Variants in SLC17A1 observed in about 807,000 individuals in gnomAD.
SLC17A1 encodes sodium-dependent phosphate transport protein 1.
A neutral mutation model predicts 53.5 loss-of-function variants in SLC17A1; 51 were observed. The observed-to-expected ratio is 0.95, with a 90% CI of 0.76 to 1.20. The LOEUF (loss-of-function observed/expected upper bound fraction) is 1.20. Ranked by LOEUF, SLC17A1 falls within the 50% of genes most tolerant of loss-of-function variation. SLC17A1 has a pLI of 0.00. For missense variants in SLC17A1, 538 were observed against 568.2 expected, an observed-to-expected ratio of 0.95 and a Z score of 0.54; for synonymous variants, 179 against 198.8, an observed-to-expected ratio of 0.90 and a Z score of 0.84.
At chr6:25,773,662 C>A in the SLC17A1 span, 1 of 1,613,374 alleles carries the variant, frequency 6.2e-7, no homozygotes, top group Non-Finnish European at 8.5e-7. Flanking sequence ...TACTTCAAGC[C>A]AACCTCAGAG....
chr6:25,798,775 C>T lies in SLC17A1; in HGVS notation c.*2+8G>A, dbSNP rs779837239. The T allele has an allele frequency of 3.1e-6, 5 of 1,603,518 alleles. No individual in the cohort carries two copies. In the Middle Eastern group the frequency reaches 6.6e-4, roughly 213 times the overall value. On this transcript the variant is annotated splice_region_variant and intron_variant, in intron 12 of 12. Coordinates refer to ENST00000244527, the MANE Select transcript of SLC17A1 (RefSeq NM_005074.5). ...TCAAAAATTGTCCTTAATCTGATCACTTCTCACCTTCAGAGACGTGTGTGT... is the reference window on the plus strand; with the variant it reads ...TCAAAAATTGTCCTTAATCTGATCATTTCTCACCTTCAGAGACGTGTGTGT...
chr6:25,740,881 G>T, the SLC17A1 span, among the ~76,000 whole-genome samples: 1 of 152,162 alleles, frequency 6.6e-6, no homozygotes, highest in Admixed American at 6.5e-5. Context: ...AGCAACGTGG[G>T]CGAACCTGGA....
At chr6:25,772,152 C>T in the SLC17A1 span, among the ~76,000 whole-genome samples, 1 of 152,082 alleles carries the variant, frequency 6.6e-6, no homozygotes, top group Non-Finnish European at 1.5e-5. Flanking sequence ...AAGTTTTTAT[C>T]ATGAAAACTT....
chr6:25,816,642 T>C (rs1764367232), intron 6 of SLC17A1, among the ~76,000 whole-genome samples: 1 of 152,254 alleles, frequency 6.6e-6, no homozygotes, highest in Non-Finnish European at 1.5e-5. Flanking sequence ...TGATGCCACA[T>C]ACACTAGTCA....
the SLC17A1 span, among the ~76,000 whole-genome samples, chr6:25,748,523 C>T: frequency 2.0e-4 from 31 of 152,198 alleles, 1 homozygote; most frequent in South Asian, 4.1e-3. Flanking sequence ...GGGTATATCT[C>T]GTCAGGTGGG....
At position 25,819,918 on chromosome 6, in the gene SLC17A1, A is replaced by G. The variant is rs200687782; in HGVS notation, c.208-3T>C. The stretch of plus-strand genomic sequence containing the variant: ...GGGCTCCAATTATACATAGGGTTCT[A>G]AAAGACAAGGGGGGACATGTCGAAT... On this transcript the variant is annotated splice_polypyrimidine_tract_variant and splice_region_variant and intron_variant, in intron 3 of 12. Transcript: ENST00000244527. 14 of 1,584,402 alleles carry G rather than the reference A, an allele frequency of 8.8e-6. No homozygotes were observed. In the African/African-American group the frequency reaches 1.3e-4, roughly 15 times the overall value.
chr6:25,770,346 T>A, the SLC17A1 span: 1 of 1,613,788 alleles, frequency 6.2e-7, no homozygotes, highest in African/African-American at 1.3e-5. Flanking sequence ...GGTTCCAGAA[T>A]GACCTCAGAT....
the SLC17A1 span, among the ~76,000 whole-genome samples, chr6:25,771,333 G>A: frequency 3.3e-5 from 5 of 152,230 alleles, no homozygotes; most frequent in African/African-American, 1.2e-4. Flanking sequence ...CAGCACTTTG[G>A]GAGGCTGAGG....
the SLC17A1 span, among the ~76,000 whole-genome samples, chr6:25,735,122 G>A: frequency 6.6e-6 from 1 of 152,194 alleles, no homozygotes. Flanking sequence ...CTTAGTTCAT[G>A]CAGATTGTAT....
chr6:25,769,271 A>G, the SLC17A1 span: 1 of 1,289,012 alleles, frequency 7.8e-7, no homozygotes, highest in Non-Finnish European at 1.1e-6. Flanking sequence ...AGATTCATTT[A>G]ACCACTAAGT....
At chr6:25,788,995 G>A (rs967801361) in intron 12 of SLC17A1, among the ~76,000 whole-genome samples, 1 of 152,096 alleles carries the variant, frequency 6.6e-6, no homozygotes, top group Non-Finnish European at 1.5e-5. Context: ...AGGTAGGTAG[G>A]TAGATAGATA....
At chr6:25,769,133 GCC>G in the SLC17A1 span, 35 of 1,614,000 alleles carry the variant, frequency 2.2e-5, no homozygotes, top group Non-Finnish European at 2.9e-5. Flanking sequence ...CCACAGAACG[GCC>G]CTCCACTGAC....
At chr6:25,775,045 G>C in the SLC17A1 span, among the ~76,000 whole-genome samples, 3,768 of 152,254 alleles carry the variant, frequency 0.025, 72 homozygotes, top group Middle Eastern at 0.095. Context: ...GAAACATAGA[G>C]TGGGTCAGGT....
Position 25,812,910 on chromosome 6 carries a change from G to A in SLC17A1, c.818C>T (p.Thr273Met), listed in dbSNP as rs144074233. 1.9e-5 allele frequency: 30 copies of A among 1,613,160 alleles called. No homozygotes were observed. The highest frequency in any genetic ancestry group is 1.6e-4 in the Middle Eastern group (1 of 6,076). ...PVWAISTGSF[T>M]FFWSHNIMTL... ...CATGATGTTATGTGACCAGAAAAAC[G>A]TAAAACTACCAGTGGAAATAGCCCA... The change falls in exon 8 of 13, where the codon ACG becomes ATG. Residue 273 changes from threonine (T) to methionine (M), a missense_variant. By Grantham distance (81) the Thr-to-Met change is moderately conservative. Transcript: ENST00000244527.
intron 1 of SLC17A1, among the ~76,000 whole-genome samples, chr6:25,830,969 A>G (rs1764923976): frequency 6.6e-6 from 1 of 152,222 alleles, no homozygotes; most frequent in Non-Finnish European, 1.5e-5. Flanking sequence ...GGAGATTGCT[A>G]TAGGTCAGAA....
At chr6:25,732,818 T>G in the SLC17A1 span, 1 of 520,048 alleles carries the variant, frequency 1.9e-6, no homozygotes, top group Non-Finnish European at 3.3e-6. Context: ...CAAAGTCCAG[T>G]ATGAATAACC....
At chr6:25,726,643 C>G in the SLC17A1 span, 6 of 1,310,466 alleles carry the variant, frequency 4.6e-6, no homozygotes, top group Non-Finnish European at 6.3e-6. Context: ...GGCCGTCTAC[C>G]CAATCAGAAA....
chr6:25,738,645 T>C, the SLC17A1 span, among the ~76,000 whole-genome samples: 4 of 152,228 alleles, frequency 2.6e-5, no homozygotes, highest in East Asian at 7.7e-4. Flanking sequence ...TATGGTAAAA[T>C]ACTTGATCTA....
the SLC17A1 span, chr6:25,770,904 C>T: frequency 6.3e-7 from 1 of 1,596,682 alleles, no homozygotes; most frequent in Non-Finnish European, 8.6e-7. Context: ...TCACCCAGAA[C>T]ATCCTCGCCT....
Sources: allele counts gnomAD v4.1 joint callset (sites outside exome capture counted in the v4.1 genomes callset), GRCh38; gene constraint gnomAD v4.1.1; transcripts MANE v1.5; gene names NCBI Gene and HGNC (gene_info 2026-07-23, HGNC 2026-07-21).